UBE2E1: variants seen among roughly 807,000 people sequenced by gnomAD.
UBE2E1 encodes ubiquitin-conjugating enzyme E2 E1.
A neutral mutation model predicts 21.4 loss-of-function variants in UBE2E1; 6 were observed. The observed-to-expected ratio is 0.28, with a 90% CI of 0.15 to 0.55. The LOEUF is 0.55. Ranked by LOEUF, UBE2E1 falls within the 20% of genes least tolerant of loss-of-function variation. The pLI is 0.93. For missense variants in UBE2E1, 142 were observed against 236.5 expected (o/e 0.60, Z 2.62); for synonymous variants, 87 against 82.7 (o/e 1.05, Z -0.28).
chr3:23,881,449 C>G (rs370999858), intron 3 of UBE2E1, among the ~76,000 whole-genome samples: 3 of 152,292 alleles, frequency 2.0e-5, no homozygotes, highest in East Asian at 3.9e-4. Flanking sequence ...CAGTTACATC[C>G]TCTCATGCAG....
chr3:23,810,634 G>A lies in UBE2E1; in HGVS notation c.153-826G>A, dbSNP rs1019005133. ...GCCACTTGGGGTCTGTGGTGCCCGA[G>A]TGGCGGGCGGGGGTGTTCGCGCCCT... On this transcript the variant is annotated intron_variant, in intron 2 of 5. Coordinates refer to ENST00000306627, the MANE Select transcript of UBE2E1 (RefSeq NM_003341.5). This position sits in a 1 kb window ranked among gnomAD's most constrained non-coding sequence, Gnocchi z 5.8. The A allele has an allele frequency of 2.7e-6, 3 of 1,116,648 alleles. No individual in the cohort carries two copies. Among genetic ancestry groups the A allele is most frequent in the Non-Finnish European group, 3.7e-6 (3 of 815,812 alleles). The allele number at this position is 1,116,648 out of a possible 1,614,324, so 69.2% of individuals were successfully genotyped here. A position where few individuals can be genotyped will look rare whatever the true frequency, so the allele number is the denominator to read the frequency against.
intron 3 of UBE2E1, among the ~76,000 whole-genome samples, chr3:23,814,521 A>T (rs1559474655): frequency 6.6e-6 from 1 of 152,164 alleles, no homozygotes; most frequent in South Asian, 2.1e-4. Context: ...CACACACACA[A>T]AATAGTTTCC....
intron 3 of UBE2E1, among the ~76,000 whole-genome samples, chr3:23,881,036 G>A (rs574496889): frequency 6.6e-6 from 1 of 152,196 alleles, no homozygotes; most frequent in Non-Finnish European, 1.5e-5. Flanking sequence ...GTCATTAGGG[G>A]GAAAATGTCT....
intron 3 of UBE2E1, among the ~76,000 whole-genome samples, chr3:23,843,988 T>C (rs1157701236): frequency 6.6e-6 from 1 of 152,216 alleles, no homozygotes; most frequent in East Asian, 1.9e-4. Context: ...ATCTTCTTGA[T>C]ATTTCTTCCA....
intron 3 of UBE2E1, among the ~76,000 whole-genome samples, chr3:23,883,588 A>T (rs1701104072): frequency 6.6e-6 from 1 of 152,140 alleles, no homozygotes; most frequent in East Asian, 1.9e-4. Context: ...AGCTACCTGA[A>T]TTCATCCAAT....
Position 23,811,481 on chromosome 3 carries a change from C to T in UBE2E1, c.174C>T (p.Asp58=). Residue 58 remains aspartate (D), a synonymous_variant, in exon 3 of 6, where the codon GAC becomes GAT. Transcript: ENST00000306627. ...CCAGAATTCAGAAGGAGCTGGCGGA[C>T]ATCACTTTAGACCCTCCACCTAATT... is the stretch of plus-strand genomic sequence containing the variant. ...SAKRIQKELA[D]ITLDPPPNCS... The T allele has an allele frequency of 6.2e-7, 1 of 1,614,216 alleles. No homozygotes were observed. Among genetic ancestry groups the T allele is most frequent in the Non-Finnish European group, 8.5e-7 (1 of 1,180,032 alleles).
chr3:23,889,390 A>C lies in UBE2E1; in HGVS notation c.484+131A>C, dbSNP rs1003083155. On this transcript the variant is annotated intron_variant, in intron 5 of 5. Coordinates refer to ENST00000306627, the MANE Select transcript of UBE2E1 (RefSeq NM_003341.5). ...AATACAAAAACTAATCGGCTTTTCA[A>C]AAGAAAGTTTTAATCAAGTTCAGTC... is the stretch of plus-strand genomic sequence containing the variant. 6.6e-6 allele frequency: 10 copies of C among 1,515,804 alleles called. No individual in the cohort carries two copies. The African/African-American group carries it at 1.1e-4, about 17-fold the overall frequency. 93.9% of individuals were successfully genotyped at this position (1,515,804 alleles called of 1,614,324 possible). A position where few individuals can be genotyped will look rare whatever the true frequency, so the allele number is the denominator to read the frequency against.
intron 3 of UBE2E1, among the ~76,000 whole-genome samples, chr3:23,833,096 A>T (rs1460556774): frequency 6.6e-6 from 1 of 151,968 alleles, no homozygotes; most frequent in African/African-American, 2.4e-5. Context: ...ATAACACCAT[A>T]CCTTTTGGTC....
rs1184640581 is a variant in UBE2E1 at position 23,876,246 on chromosome 3, G to A, written c.204-11321G>A. On this transcript the variant is annotated intron_variant, in intron 3 of 5. Transcript: ENST00000306627. This position sits in a 1 kb window ranked among gnomAD's most constrained non-coding sequence, Gnocchi z 4.3. ...TTAGGTGAGGAAGCCTTCTAACTTAGTTATTAGGACTATGGCAGTGGTCGC... is the reference window on the plus strand; with the variant it reads ...TTAGGTGAGGAAGCCTTCTAACTTAATTATTAGGACTATGGCAGTGGTCGC... 6.6e-6 allele frequency among the ~76,000 whole-genome samples: 1 copy of A among 152,170 alleles called. No homozygotes were observed.
At chr3:23,837,592 T>A (rs553583621) in intron 3 of UBE2E1, among the ~76,000 whole-genome samples, 121 of 152,338 alleles carry the variant, frequency 7.9e-4, no homozygotes, top group African/African-American at 2.9e-3. Flanking sequence ...CAATTTGAAA[T>A]TCAGAGGATT....
chr3:23,891,340 T>C lies in UBE2E1; in HGVS notation c.*734T>C, dbSNP rs1701447761. On this transcript the variant is annotated 3_prime_UTR_variant, in exon 6 of 6. Transcript: ENST00000306627. ...CACTGCTGTGTTCATTTACTTTTCT[T>C]TTGCCTTTTGGTTGCCATTCGCAGA... The C allele has an allele frequency of 6.6e-6, 1 of 152,198 alleles. No individual in the cohort carries two copies. Among genetic ancestry groups the C allele is most frequent in the Admixed American group, 6.5e-5 (1 of 15,278 alleles). The allele number at this position is 152,198 out of a possible 1,614,324, so 9.4% of individuals were successfully genotyped here. A position where few individuals can be genotyped will look rare whatever the true frequency, so the allele number is the denominator to read the frequency against.
chr3:23,848,424 C>T (rs577641518), intron 3 of UBE2E1, among the ~76,000 whole-genome samples: 4 of 151,274 alleles, frequency 2.6e-5, no homozygotes, highest in Admixed American at 6.6e-5. Context: ...GAGCTGAGAT[C>T]GTGCCCCTGC....
At chr3:23,819,670 C>T (rs1007102945) in intron 3 of UBE2E1, among the ~76,000 whole-genome samples, 8 of 152,170 alleles carry the variant, frequency 5.3e-5, no homozygotes, top group Non-Finnish European at 1.0e-4. Context: ...TTTAATAGAA[C>T]ATCTTCATTA....
Position 23,887,734 on chromosome 3 carries a change from T to C in UBE2E1, c.336+35T>C, listed in dbSNP as rs755224917. 1 of 1,581,542 alleles carries C rather than the reference T, an allele frequency of 6.3e-7. No individual in the cohort carries two copies. The highest frequency in any genetic ancestry group is 1.2e-5 in the South Asian group (1 of 85,210). ...CTCCCTGTATGCTCAAATTTACTAA[T>C]TCCCACAAGAGAGCAACTGTTGAGG... On this transcript the variant is annotated intron_variant, in intron 4 of 5. Transcript: ENST00000306627. This position sits in a 1 kb window ranked among gnomAD's most constrained non-coding sequence, Gnocchi z 4.4.
chr3:23,880,157 C>T (rs929126497), intron 3 of UBE2E1, among the ~76,000 whole-genome samples: 19 of 151,866 alleles, frequency 1.3e-4, no homozygotes, highest in Middle Eastern at 3.4e-3. Context: ...CTGAGGCGGG[C>T]GGATCACCTG....
chr3:23,872,178 C>G (rs913671649), intron 3 of UBE2E1, among the ~76,000 whole-genome samples: 2 of 152,174 alleles, frequency 1.3e-5, no homozygotes, highest in Non-Finnish European at 2.9e-5. Context: ...GGAGACCAGC[C>G]CGGCCAACAC....
At chr3:23,820,114 G>A (rs1699615916) in intron 3 of UBE2E1, among the ~76,000 whole-genome samples, 1 of 152,136 alleles carries the variant, frequency 6.6e-6, no homozygotes, top group Admixed American at 6.5e-5. Context: ...AGAGTTGCTG[G>A]CACCCGCCTG....
chr3:23,843,383 A>G (rs1204740092), intron 3 of UBE2E1, among the ~76,000 whole-genome samples: 5 of 152,222 alleles, frequency 3.3e-5, no homozygotes, highest in Admixed American at 2.0e-4. Context: ...GAGTTGCACA[A>G]CTGTGGCACA....
rs146092392 is a variant in UBE2E1, at chr3:23,817,607, C to T, written c.203+6097C>T. On this transcript the variant is annotated intron_variant, in intron 3 of 5. Transcript: ENST00000306627. ...TCAGAGGAGTGAGAGATTACTTTGA[C>T]TTGGGTTTGAGGGATTGTGGCTGGA... 4.0e-3 allele frequency among the ~76,000 whole-genome samples: 608 copies of T among 151,994 alleles called. 6 individuals carry two copies. Among genetic ancestry groups the T allele is most frequent in the African/African-American group, 0.013 (544 of 41,462 alleles).
Sources: allele counts gnomAD v4.1 joint callset (sites outside exome capture counted in the v4.1 genomes callset), GRCh38; gene constraint gnomAD v4.1.1; non-coding constraint Gnocchi (gnomAD v3.1); transcripts MANE v1.5; gene names NCBI Gene and HGNC (gene_info 2026-07-23, HGNC 2026-07-21).